Variants in MECOM observed in about 807,000 individuals in gnomAD.
The protein encoded by MECOM is histone-lysine N-methyltransferase MECOM.
In MECOM, 13 loss-of-function variants were observed where a neutral mutation model predicts 116.3. That is an observed-to-expected ratio of 0.11 (90% confidence interval 0.07 to 0.18). The LOEUF (loss-of-function observed/expected upper bound fraction) is 0.18. Ranked by LOEUF, MECOM falls within the 10% of genes least tolerant of loss-of-function variation. The pLI is 1.00. For missense variants in MECOM, 1,299 were observed against 1,509.0 expected (o/e 0.86, Z 2.31); for synonymous variants, 528 against 535.2 (o/e 0.99, Z 0.19).
intron 1 of MECOM, among the ~76,000 whole-genome samples, chr3:169,442,531 T>C (rs1024326811): frequency 6.6e-6 from 1 of 152,218 alleles, no homozygotes; most frequent in African/African-American, 2.4e-5. Flanking sequence ...TAGGTGGGTA[T>C]ACTAATGTAA....
At chr3:169,430,790 G>A (rs370352233) in intron 1 of MECOM, among the ~76,000 whole-genome samples, 4 of 152,238 alleles carry the variant, frequency 2.6e-5, no homozygotes, top group African/African-American at 9.6e-5. Context: ...TAGATAACAA[G>A]ACCCTTTACT....
chr3:169,165,584 C>T (rs909049358), intron 2 of MECOM, among the ~76,000 whole-genome samples: 1 of 152,112 alleles, frequency 6.6e-6, no homozygotes, highest in African/African-American at 2.4e-5. Context: ...GCTGTATACA[C>T]GATCTTGCAA....
chr3:169,270,077 G>T (rs979607714), intron 2 of MECOM, among the ~76,000 whole-genome samples: 5 of 151,964 alleles, frequency 3.3e-5, no homozygotes, highest in Admixed American at 2.6e-4. Context: ...ATTTCATTGT[G>T]CATATTCAAA....
At chr3:169,213,198 C>G (rs1751000339) in intron 2 of MECOM, among the ~76,000 whole-genome samples, 1 of 151,934 alleles carries the variant, frequency 6.6e-6, no homozygotes, top group Non-Finnish European at 1.5e-5. Flanking sequence ...CTTCTTTATA[C>G]TTGACTTGCA....
intron 1 of MECOM, among the ~76,000 whole-genome samples, chr3:169,589,356 T>G (rs904323378): frequency 3.3e-5 from 5 of 151,882 alleles, no homozygotes; most frequent in African/African-American, 1.2e-4. Context: ...CTCTAAGAAG[T>G]AACTGAAAAT....
intron 2 of MECOM, among the ~76,000 whole-genome samples, chr3:169,348,696 G>C (rs1725790463): frequency 6.6e-6 from 1 of 151,992 alleles, no homozygotes; most frequent in African/African-American, 2.4e-5. Context: ...TTTCAATTCT[G>C]AGTCAAAGAA....
rs188080051 is a variant in MECOM, at chr3:169,457,850, T to C, written c.38-76326A>G. On this transcript the variant is annotated intron_variant, in intron 1 of 16. Coordinates refer to ENST00000651503, the MANE Select transcript of MECOM (RefSeq NM_004991.4). ...ATAGGAGCAAATGTGTCTGTATTGT[T>C]CAAAAGCATACACGAAAATGTGATG... Among the ~76,000 whole-genome samples, 82 of 152,346 alleles carry C rather than the reference T, an allele frequency of 5.4e-4. 1 individual carries two copies. The highest frequency in any genetic ancestry group is 1.9e-3 in the African/African-American group (80 of 41,590).
intron 1 of MECOM, among the ~76,000 whole-genome samples, chr3:169,634,534 T>C (rs570335897): frequency 6.6e-6 from 1 of 152,240 alleles, no homozygotes; most frequent in East Asian, 1.9e-4. Context: ...GAGGGGCAAA[T>C]AGCAGAGGGC....
At chr3:169,266,425 C>A (rs757153492) in intron 2 of MECOM, among the ~76,000 whole-genome samples, 1 of 152,126 alleles carries the variant, frequency 6.6e-6, no homozygotes, top group Non-Finnish European at 1.5e-5. Flanking sequence ...ACGTACAGGG[C>A]AAAATAAGCA....
chr3:169,231,176 A>G (rs1184369862), intron 2 of MECOM, among the ~76,000 whole-genome samples: 2 of 152,134 alleles, frequency 1.3e-5, no homozygotes, highest in African/African-American at 2.4e-5. Context: ...TGTTGTGTCT[A>G]TTGAATAAAA....
intron 2 of MECOM, among the ~76,000 whole-genome samples, chr3:169,359,116 T>C (rs1727779419): frequency 6.6e-6 from 1 of 151,738 alleles, no homozygotes; most frequent in Non-Finnish European, 1.5e-5. Flanking sequence ...TTTACAAAAG[T>C]TTTAATATTT....
intron 2 of MECOM, among the ~76,000 whole-genome samples, chr3:169,232,941 T>C (rs1560024227): frequency 6.6e-6 from 1 of 151,992 alleles, no homozygotes; most frequent in South Asian, 2.1e-4. Context: ...CACCTCATGT[T>C]CTCTTCCAGA....
intron 2 of MECOM, among the ~76,000 whole-genome samples, chr3:169,258,436 C>A (rs6795638): frequency 6.6e-6 from 1 of 152,118 alleles, no homozygotes; most frequent in Non-Finnish European, 1.5e-5. Flanking sequence ...AGGTTATTTT[C>A]TTTTATTCAT....
intron 5 of MECOM, among the ~76,000 whole-genome samples, chr3:169,124,393 A>G (rs2149143801): frequency 6.6e-6 from 1 of 152,236 alleles, no homozygotes; most frequent in African/African-American, 2.4e-5. Flanking sequence ...AGAGAGAGAC[A>G]CAGAGAGAAA....
At chr3:169,228,221 A>G (rs535809481) in intron 2 of MECOM, among the ~76,000 whole-genome samples, 110 of 152,338 alleles carry the variant, frequency 7.2e-4, no homozygotes, top group Non-Finnish European at 1.4e-3. Context: ...GATTTTCTTA[A>G]AAAGAATTAT....
intron 1 of MECOM, among the ~76,000 whole-genome samples, chr3:169,579,346 G>C (rs1287935472): frequency 6.6e-6 from 1 of 152,182 alleles, no homozygotes; most frequent in Non-Finnish European, 1.5e-5. Flanking sequence ...CCATTCAACA[G>C]ACAATACCGC....
chr3:169,132,066 A>G (rs1027866035), intron 3 of MECOM: 12 of 717,536 alleles, frequency 1.7e-5, no homozygotes, highest in Middle Eastern at 6.8e-4. Context: ...GTTTTTCAAA[A>G]CTTAACCCCT....
chr3:169,636,559 T>C (rs1017550120), intron 1 of MECOM, among the ~76,000 whole-genome samples: 7 of 152,318 alleles, frequency 4.6e-5, no homozygotes, highest in Admixed American at 4.6e-4. Context: ...CTAAATACAA[T>C]GCAGCCACTC....
At chr3:169,357,170 C>T (rs905594825) in intron 2 of MECOM, among the ~76,000 whole-genome samples, 16 of 151,842 alleles carry the variant, frequency 1.1e-4, no homozygotes, top group Admixed American at 3.9e-4. Flanking sequence ...GATAATTTTG[C>T]TCTTTATTAG....
Sources: gnomAD v4.1 joint callset for allele counts (sites outside exome capture counted in the v4.1 genomes callset) on GRCh38, gnomAD v4.1.1 for gene constraint, MANE v1.5 for transcripts, NCBI Gene and HGNC (gene_info 2026-07-23, HGNC 2026-07-21) for gene names.